The following ADGRG1 variants were observed in gnomAD, a reference collection of about 807,000 sequenced individuals.
ADGRG1 encodes 7-transmembrane protein with no EGF-like N-terminal domains-1.
Under a neutral mutation model 73.5 loss-of-function variants are expected in ADGRG1, and 53 were observed. That is an observed-to-expected ratio of 0.72 (90% CI 0.58 to 0.91). ADGRG1 has a LOEUF of 0.91. Ranked by LOEUF, ADGRG1 falls within the 40% of genes least tolerant of loss-of-function variation. The pLI is 0.00. For synonymous variants in ADGRG1, 394 were observed against 374.4 expected (o/e 1.05, Z -0.60); for missense variants, 795 against 871.8 (o/e 0.91, Z 1.11).
At chr16:57,622,881 A>G (rs1194011621), upstream of ADGRG1, 2 of 985,444 alleles carry the variant, frequency 2.0e-6, no homozygotes, top group Non-Finnish European at 2.4e-6. Context: ...AGCCAGCCTG[A>G]ACCCTAAGGA....
At chr16:57,643,054 C>G (rs2041253719) in intron 1 of ADGRG1, 1 of 152,216 alleles carries the variant, frequency 6.6e-6, no homozygotes, top group African/African-American at 2.4e-5. Context: ...TAGAATCTCC[C>G]TGGATTCCAG....
intron 1 of ADGRG1, chr16:57,631,143 C>T (rs759886293): frequency 8.7e-5 from 86 of 985,818 alleles, no homozygotes; most frequent in Non-Finnish European, 1.0e-4. Context: ...AGCAGCTTCA[C>T]GTGTGAGGGA....
intron 1 of ADGRG1, chr16:57,635,360 T>C: frequency 3.0e-6 from 3 of 985,302 alleles, no homozygotes; most frequent in Non-Finnish European, 3.6e-6. Context: ...GTGCACACGG[T>C]CTGTCCTCCA....
intron 1 of ADGRG1, chr16:57,637,632 T>TC: frequency 1.0e-6 from 1 of 985,196 alleles, no homozygotes; most frequent in Non-Finnish European, 1.2e-6. Flanking sequence ...TTCCTCTTCC[T>TC]CCGGGGGCCA....
intron 10 of ADGRG1, among the ~76,000 whole-genome samples, chr16:57,658,463 C>T (rs1323614335): frequency 6.6e-6 from 1 of 152,248 alleles, no homozygotes; most frequent in Non-Finnish European, 1.5e-5. Flanking sequence ...CCTCGGTTCT[C>T]ACTGTCCCCA....
Position 57,655,388 on chromosome 16 carries a change from G to A in ADGRG1, c.769-11G>A. 9 of 1,612,642 alleles carry A rather than the reference G, an allele frequency of 5.6e-6. No homozygotes were observed. The highest frequency in any genetic ancestry group is 7.6e-6 in the Non-Finnish European group (9 of 1,179,968). ...TCCGCATTTGGCTGAGCCCTAAAGG[G>A]ACCTCTGCAGGAGGAGCAGAGCGAG... On this transcript the variant is annotated splice_polypyrimidine_tract_variant and intron_variant, in intron 5 of 13. Coordinates refer to ENST00000562631, the MANE Select transcript of ADGRG1 (RefSeq NM_201525.4).
chr16:57,629,169 G>A, intron 1 of ADGRG1: 1 of 983,328 alleles, frequency 1.0e-6, no homozygotes, highest in Non-Finnish European at 1.2e-6. Context: ...ATGGGGAAAT[G>A]GGGGGGTCTT....
Position 57,659,470 on chromosome 16 carries a change from C to T in ADGRG1, c.1344C>T (p.Phe448=), listed in dbSNP as rs757767945. Residue 448 remains phenylalanine, a synonymous_variant, in exon 11 of 14, where the codon TTC becomes TTT. Coordinates refer to ENST00000562631, the MANE Select transcript of ADGRG1 (RefSeq NM_201525.4). The part of the protein sequence containing the change: ...KVHMNLLLAV[F]LLDTSFLLSE... ...ACATGAACCTGCTGCTGGCCGTCTT[C>T]CTGCTGGACACGAGCTTCCTGCTCA... 1.3e-5 allele frequency: 21 copies of T among 1,613,812 alleles called. 1 individual carries two copies. The South Asian group carries it at 2.1e-4, about 16-fold the overall frequency.
intron 1 of ADGRG1, chr16:57,631,575 T>C: frequency 4.1e-6 from 4 of 985,466 alleles, no homozygotes; most frequent in Non-Finnish European, 4.8e-6. Context: ...GTCCCCATGC[T>C]GGGGGTGGCC....
At chr16:57,663,316 T>TG in intron 13 of ADGRG1, 136 bp from the exon 14 acceptor site, 1 of 1,529,916 alleles carries the variant, frequency 6.5e-7, no homozygotes, top group South Asian at 1.2e-5. Context: ...CTGGGTCTCA[T>TG]GGGTGCCCGA....
At chr16:57,634,698 T>C (rs1279193941) in intron 1 of ADGRG1, 3 of 175,006 alleles carry the variant, frequency 1.7e-5, no homozygotes, top group African/African-American at 7.2e-5. Flanking sequence ...GGTGTTCAAG[T>C]GTGGCAGGGG....
chr16:57,641,447 C>G (rs566513731), intron 1 of ADGRG1: 1 of 982,468 alleles, frequency 1.0e-6, no homozygotes, highest in African/African-American at 1.7e-5. Flanking sequence ...CCAGAGTCTT[C>G]GGACTGCTGG....
chr16:57,628,188 G>A (rs996882480), upstream of ADGRG1: 14 of 985,320 alleles, frequency 1.4e-5, no homozygotes, highest in East Asian at 1.1e-4. Flanking sequence ...GGCTCCCGTC[G>A]GCTGCCAAGG....
At chr16:57,643,941 G>A in intron 1 of ADGRG1, 1 of 984,126 alleles carries the variant, frequency 1.0e-6, no homozygotes, top group Non-Finnish European at 1.2e-6. Context: ...GTGCCACCTG[G>A]GTCTGACAGG....
chr16:57,630,083 T>A, intron 1 of ADGRG1: 2 of 840,092 alleles, frequency 2.4e-6, no homozygotes, highest in Non-Finnish European at 2.9e-6. Context: ...GCGCTTACTG[T>A]GCACTCTGTG....
At chr16:57,637,494 T>C (rs2039658833) in intron 1 of ADGRG1, 1 of 985,374 alleles carries the variant, frequency 1.0e-6, no homozygotes, top group African/African-American at 1.7e-5. Context: ...CCACAGCCCC[T>C]TGCCAGCTCC....
intron 1 of ADGRG1, among the ~76,000 whole-genome samples, chr16:57,644,682 G>A (rs1296173475): frequency 8.7e-5 from 10 of 115,546 alleles, no homozygotes; most frequent in African/African-American, 3.1e-4. Flanking sequence ...ACACACTCAT[G>A]CACAAGCACA....
chr16:57,639,210 CG>C, intron 1 of ADGRG1: 1 of 964,654 alleles, frequency 1.0e-6, no homozygotes, highest in Non-Finnish European at 1.2e-6. Flanking sequence ...CAGGTGTCCC[CG>C]GGGCTCCCCA....
intron 1 of ADGRG1, chr16:57,630,896 G>C (rs2037674666): frequency 4.3e-6 from 4 of 933,252 alleles, no homozygotes; most frequent in Non-Finnish European, 5.1e-6. Flanking sequence ...CACGGGGAGG[G>C]TGATACCGGA....
Sources: gnomAD v4.1 joint callset for allele counts (sites outside exome capture counted in the v4.1 genomes callset) on GRCh38, gnomAD v4.1.1 for gene constraint, MANE v1.5 for transcripts, NCBI Gene and HGNC (gene_info 2026-07-23, HGNC 2026-07-21) for gene names.